Variants in ZNF526 observed in about 807,000 individuals in gnomAD.
The protein encoded by ZNF526 is zinc finger protein 526.
A neutral mutation model predicts 32.4 loss-of-function variants in ZNF526; 16 were observed. The observed-to-expected ratio is 0.49, with a 90% CI of 0.33 to 0.75. The LOEUF (loss-of-function observed/expected upper bound fraction) is 0.75. ZNF526 is among the 30% of genes least tolerant of loss of function. ZNF526 has a pLI of 0.02. For missense variants in ZNF526, 838 were observed against 920.7 expected (o/e 0.91, Z 1.16); for synonymous variants, 355 against 363.4 (o/e 0.98, Z 0.26).
Position 42,224,506 on chromosome 19 carries a change from A to G in ZNF526, c.103A>G (p.Thr35Ala), listed in dbSNP as rs146838645. 4.2e-4 allele frequency: 670 copies of G among 1,614,094 alleles called. 1 individual carries two copies. The highest frequency in any genetic ancestry group is 5.2e-4 in the Non-Finnish European group (608 of 1,180,048). ...GTCGGCAGAGATGATGGAGATGTCA[A>G]CAGAAGTGACTGAGATGACACCTGG... ...PMSAEMMEMSTEVTEMTPGEA... is the reference protein window; with the variant it reads ...PMSAEMMEMSAEVTEMTPGEA... Residue 35 changes from threonine (T) to alanine (A), a missense_variant, in exon 3 of 3, where the codon ACA (threonine) becomes GCA (alanine). Thr to Ala is a moderately conservative substitution (Grantham distance 58). Coordinates refer to ENST00000301215, the MANE Select transcript of ZNF526 (RefSeq NM_133444.3).
chr19:42,222,832 T>A (rs762037684), intron 1 of ZNF526, among the ~76,000 whole-genome samples: 2 of 152,092 alleles, frequency 1.3e-5, no homozygotes, highest in Non-Finnish European at 2.9e-5. Context: ...AGGTGCTGGG[T>A]AGGAGTTTGT....
rs776766689 is a variant in ZNF526, at chr19:42,225,277, C to T, written c.874C>T (p.Arg292Trp). ...CTCAGCAGGGGCTCGCCGGCAACAC[C>T]GGCGGACGGCTCACAGCCCGGCATC... ...QPSAGARRQH[R>W]RTAHSPASAT... is the part of the protein sequence containing the mutation. Residue 292 changes from arginine (R) to tryptophan (W), a missense_variant, in exon 3 of 3, where the codon CGG becomes TGG. Arg to Trp is a moderately radical substitution (Grantham distance 101). Coordinates refer to ENST00000301215, the MANE Select transcript of ZNF526 (RefSeq NM_133444.3). The T allele has an allele frequency of 1.2e-5, 20 of 1,612,872 alleles. No individual in the cohort carries two copies. The highest frequency in any genetic ancestry group is 1.6e-4 in the Middle Eastern group (1 of 6,076).
chr19:42,225,259 G>C lies in ZNF526; in HGVS notation c.856G>C (p.Gly286Arg). ...CTGTCCCCAGCACCAGCCCTCAGCA[G>C]GGGCTCGCCGGCAACACCGGCGGAC... is the stretch of plus-strand genomic sequence containing the variant. ...GDCPQHQPSAGARRQHRRTAH... is the reference protein window; with the variant it reads ...GDCPQHQPSARARRQHRRTAH... Residue 286 changes from glycine (G) to arginine (R), a missense_variant, in exon 3 of 3, where the codon GGG becomes CGG. Gly to Arg is a moderately radical substitution (Grantham distance 125). Coordinates refer to ENST00000301215, the MANE Select transcript of ZNF526 (RefSeq NM_133444.3). 6.2e-7 allele frequency: 1 copy of C among 1,613,658 alleles called. No homozygotes were observed. Among genetic ancestry groups the C allele is most frequent in the Non-Finnish European group, 8.5e-7 (1 of 1,179,686 alleles).
At chr19:42,222,267 T>C (rs2036132490) in intron 1 of ZNF526, among the ~76,000 whole-genome samples, 2 of 151,888 alleles carry the variant, frequency 1.3e-5, no homozygotes, top group Admixed American at 6.6e-5. Flanking sequence ...TTGTATTTTT[T>C]TTAGTAGAGA....
Position 42,225,548 on chromosome 19 carries a change from A to ACACTG in ZNF526, c.1147_1151dup (p.Asn385LeufsTer17). ...ACGTTGGTGGCTCACCGGCGGGCCC[A>ACACTG]CACTGCCAACCCATTGCATCGCTGT... On this transcript the variant is annotated frameshift_variant, in exon 3 of 3. Transcript: ENST00000301215. LOFTEE classifies it high-confidence loss of function. 6.2e-7 allele frequency: 1 copy of ACACTG among 1,611,198 alleles called. No individual in the cohort carries two copies.
chr19:42,220,789 G>A (rs1292177776), intron 1 of ZNF526, among the ~76,000 whole-genome samples: 1 of 152,194 alleles, frequency 6.6e-6, no homozygotes, highest in Non-Finnish European at 1.5e-5. Context: ...TCGTAGACGA[G>A]GAAAGGGCAA....
In ZNF526 at chr19:42,225,645, G is replaced by A. The variant is rs1259670320; in HGVS notation, c.1242G>A (p.Gly414=). ...GGCGCACTCACGCCGGCAAAAGCGG[G>A]GCACCTCCCACAGGAGCAACAGCTC... ...YHRRTHAGKS[G]APPTGATAPP... Residue 414 remains glycine (G), a synonymous_variant, in exon 3 of 3, where the codon GGG becomes GGA. Transcript: ENST00000301215. The A allele has an allele frequency of 6.2e-7, 1 of 1,612,788 alleles. No individual in the cohort carries two copies. The highest frequency in any genetic ancestry group is 8.5e-7 in the Non-Finnish European group (1 of 1,179,246).
In ZNF526 at chr19:42,225,089, A is replaced by G. The variant is rs752820128; in HGVS notation, c.686A>G (p.Asn229Ser). The part of the protein sequence containing the change: ...HFDSLEKEER[N>S]GLEEEEEDDE... ...GACTCCCTAGAGAAAGAGGAGCGCA[A>G]TGGGTTGGAGGAGGAGGAAGAGGAC... Residue 229 changes from asparagine to serine, a missense_variant, in exon 3 of 3, where the codon AAT becomes AGT. Physicochemically the swap from Asn to Ser is conservative, Grantham distance 46. Coordinates refer to ENST00000301215, the MANE Select transcript of ZNF526 (RefSeq NM_133444.3). The G allele has an allele frequency of 1.4e-5, 22 of 1,614,154 alleles. No individual in the cohort carries two copies. Among genetic ancestry groups the G allele is most frequent in the Admixed American group, 1.7e-5 (1 of 60,026 alleles).
Position 42,224,914 on chromosome 19 carries a change from C to A in ZNF526, c.511C>A (p.Pro171Thr). The change falls in exon 3 of 3, where the codon CCA (proline) becomes ACA (threonine). Residue 171 changes from proline to threonine, a missense_variant. Transcript: ENST00000301215. ...AQHLSATVAE[P>T]PVPPPLPPPT... ...GCACCTTTCTGCTACGGTAGCTGAG[C>A]CACCAGTGCCACCTCCTTTGCCTCC... The A allele has an allele frequency of 6.2e-7, 1 of 1,614,184 alleles. No individual in the cohort carries two copies. Among genetic ancestry groups the A allele is most frequent in the Admixed American group, 1.7e-5 (1 of 60,022 alleles).
intron 1 of ZNF526, among the ~76,000 whole-genome samples, chr19:42,220,826 A>T (rs1032846092): frequency 6.6e-6 from 1 of 152,232 alleles, no homozygotes; most frequent in Non-Finnish European, 1.5e-5. Context: ...GCCACCTCGT[A>T]GACATTTATT....
chr19:42,226,556 A>C lies in ZNF526; in HGVS notation c.*140A>C, dbSNP rs1010506092. The C allele has an allele frequency of 3.7e-6, 4 of 1,081,556 alleles. No individual in the cohort carries two copies. Among genetic ancestry groups the C allele is most frequent in the Non-Finnish European group, 4.2e-6 (3 of 716,500 alleles). The allele number at this position is 1,081,556 out of a possible 1,614,324, so 67.0% of individuals were successfully genotyped here. On this transcript the variant is annotated 3_prime_UTR_variant, in exon 3 of 3. Transcript: ENST00000301215. ...CACCCTGGCCTCTTTTTACCCACTG[A>C]CTCCCCAGAACAACCCTTCCAGGCT...
In ZNF526 at chr19:42,225,691, A is replaced by ACCCCCCCCCCCCCCCCCC; in HGVS notation, c.1292_1293insCCCCCCCCCCCCCCCCCC (p.Pro431_Pro436dup). Reference sequence around the variant, plus strand: ...AGCTCCCCCAGCTCCAGCGGAGCCCACCCCTCCACCACCACCCCCTGCCCC... The same window carrying ACCCCCCCCCCCCCCCCCC: ...AGCTCCCCCAGCTCCAGCGGAGCCCACCCCCCCCCCCCCCCCCCCCCCTCCACCACCACCCCCTGCCCC... On this transcript the variant is annotated inframe_insertion, in exon 3 of 3. Transcript: ENST00000301215. 1 of 1,000,142 alleles carries ACCCCCCCCCCCCCCCCCC rather than the reference A, an allele frequency of 1.0e-6. No individual in the cohort carries two copies. Among genetic ancestry groups the ACCCCCCCCCCCCCCCCCC allele is most frequent in the Non-Finnish European group, 1.4e-6 (1 of 707,348 alleles). 62.0% of individuals were successfully genotyped at this position (1,000,142 alleles called of 1,614,324 possible). A position where few individuals can be genotyped will look rare whatever the true frequency, so the allele number is the denominator to read the frequency against.
chr19:42,225,296 C>T lies in ZNF526; in HGVS notation c.893C>T (p.Pro298Leu), dbSNP rs3810150. The part of the protein sequence containing the change: ...RRQHRRTAHS[P>L]ASATHPFHCS... ...CAACACCGGCGGACGGCTCACAGCCCGGCATCTGCCACCCACCCCTTCCAC... is the reference window on the plus strand; with the variant it reads ...CAACACCGGCGGACGGCTCACAGCCTGGCATCTGCCACCCACCCCTTCCAC... The change falls in exon 3 of 3, where the codon CCG becomes CTG. Residue 298 changes from proline (P) to leucine (L), a missense_variant. By Grantham distance (98) the Pro-to-Leu change is moderately conservative. Transcript: ENST00000301215. 5.8e-5 allele frequency: 94 copies of T among 1,612,322 alleles called. No homozygotes were observed. Among genetic ancestry groups the T allele is most frequent in the Middle Eastern group, 1.6e-4 (1 of 6,078 alleles).
chr19:42,226,168 C>G lies in ZNF526; in HGVS notation c.1765C>G (p.Arg589Gly), dbSNP rs762184672. The change falls in exon 3 of 3, where the codon CGA (arginine) becomes GGA (glycine). Residue 589 changes from arginine to glycine, a missense_variant. Transcript: ENST00000301215. ...CTGGTTCCGCGCCATGGCGGGCTTG[C>G]GACTGCATCAGCGGGTCCATGCCCG... ...GRWFRAMAGL[R>G]LHQRVHARAR... The G allele has an allele frequency of 6.2e-7, 1 of 1,607,778 alleles. No homozygotes were observed. Among genetic ancestry groups the G allele is most frequent in the Non-Finnish European group, 8.5e-7 (1 of 1,180,012 alleles).
At chr19:42,222,638 C>G (rs1489934884) in intron 1 of ZNF526, among the ~76,000 whole-genome samples, 1 of 152,132 alleles carries the variant, frequency 6.6e-6, no homozygotes, top group East Asian at 1.9e-4. Context: ...GTTAAAATTC[C>G]TGTCCCTGCT....
Position 42,223,974 on chromosome 19 carries a change from A to AATATATATATATATATATATAT in ZNF526, c.-108-233_-108-212dup, listed in dbSNP as rs35211089. Among the ~76,000 whole-genome samples, 236 of 110,562 alleles carry AATATATATATATATATATATAT rather than the reference A, an allele frequency of 2.1e-3. 1 individual carries two copies. The highest frequency in any genetic ancestry group is 5.5e-3 in the South Asian group (16 of 2,904). 72.5% of individuals were successfully genotyped at this position (110,562 alleles called of 152,430 possible). On this transcript the variant is annotated intron_variant, in intron 1 of 2. Coordinates refer to ENST00000301215, the MANE Select transcript of ZNF526 (RefSeq NM_133444.3). ...CATGGTGAAACCTTGTCTCTACTAA[A>AATATATATATATATATATATAT]ATATATATATATATATATATATATA...
At position 42,222,243 on chromosome 19, in the gene ZNF526, C is replaced by T. The variant is rs184404066; in HGVS notation, c.-109+1856C>T. Among the ~76,000 whole-genome samples the T allele has an allele frequency of 9.9e-3, 1,500 of 152,156 alleles. 24 individuals are homozygous for T. The highest frequency in any genetic ancestry group is 0.034 in the African/African-American group (1,418 of 41,488). ...CTGGGATTACAGGCGTGCACCACCA[C>T]GCCCAGCTAATTTTTGTATTTTTTT... On this transcript the variant is annotated intron_variant, in intron 1 of 2. Coordinates refer to ENST00000301215, the MANE Select transcript of ZNF526 (RefSeq NM_133444.3).
In ZNF526 at chr19:42,224,519, A is replaced by G. The variant is rs1357913966; in HGVS notation, c.116A>G (p.Glu39Gly). 16 of 1,614,104 alleles carry G rather than the reference A, an allele frequency of 9.9e-6. No homozygotes were observed. Among genetic ancestry groups the G allele is most frequent in the Middle Eastern group, 1.6e-4 (1 of 6,084 alleles). Residue 39 changes from glutamate (E) to glycine (G), a missense_variant, in exon 3 of 3, where the codon GAG (glutamate) becomes GGG (glycine). Physicochemically the swap from Glu to Gly is moderately conservative, Grantham distance 98. Coordinates refer to ENST00000301215, the MANE Select transcript of ZNF526 (RefSeq NM_133444.3). ...EMMEMSTEVT[E>G]MTPGEALASS... is the part of the protein sequence containing the mutation. The stretch of plus-strand genomic sequence containing the variant: ...ATGGAGATGTCAACAGAAGTGACTG[A>G]GATGACACCTGGGGAGGCCCTTGCC...
Position 42,226,083 on chromosome 19 carries a change from C to CCGCCT in ZNF526, c.1682_1686dup (p.Pro563AlafsTer41). 6.2e-7 allele frequency: 1 copy of CCGCCT among 1,606,836 alleles called. No homozygotes were observed. The highest frequency in any genetic ancestry group is 8.5e-7 in the Non-Finnish European group (1 of 1,179,994). On this transcript the variant is annotated frameshift_variant, in exon 3 of 3. Coordinates refer to ENST00000301215, the MANE Select transcript of ZNF526 (RefSeq NM_133444.3). LOFTEE classifies it high-confidence loss of function. ...GGCCAGTCGCCTTTGCCCGCGCCCCCCGCCTCCCCATCACTGGTCTCTACA... is the reference window on the plus strand; with the variant it reads ...GGCCAGTCGCCTTTGCCCGCGCCCCCCGCCTCGCCTCCCCATCACTGGTCTCTACA...
Sources: allele counts gnomAD v4.1 joint callset (sites outside exome capture counted in the v4.1 genomes callset), GRCh38; gene constraint gnomAD v4.1.1; transcripts MANE v1.5; gene names NCBI Gene and HGNC (gene_info 2026-07-23, HGNC 2026-07-21).